CA10: variants seen among roughly 807,000 people sequenced by gnomAD.
CA10 encodes the protein carbonic anhydrase-related protein 10.
CA10 carries 14 observed loss-of-function variants against 44.2 expected under a neutral mutation model. The observed-to-expected ratio is 0.32, with a 90% confidence interval of 0.21 to 0.50. The LOEUF (loss-of-function observed/expected upper bound fraction) is 0.50. CA10 is among the 20% of genes least tolerant of loss of function. The probability of loss-of-function intolerance (pLI) is 0.99; values close to 1 mark genes in which losing one functional copy is unlikely to be tolerated. For missense variants in CA10, 350 were observed against 409.7 expected (o/e 0.85, Z 1.26); for synonymous variants, 159 against 141.6 (o/e 1.12, Z -0.87).
At chr17:51,946,849 T>C (rs191589874) in intron 2 of CA10, among the ~76,000 whole-genome samples, 1 of 152,256 alleles carries the variant, frequency 6.6e-6, no homozygotes, top group Admixed American at 6.5e-5. Context: ...TATACGTTGT[T>C]TGATGAATGA....
chr17:51,895,433 C>G (rs966850589), intron 3 of CA10, among the ~76,000 whole-genome samples: 24 of 145,826 alleles, frequency 1.6e-4, no homozygotes, highest in African/African-American at 6.3e-4. Flanking sequence ...GGCTTACCAC[C>G]CACATAACCT....
At chr17:51,898,024 G>A (rs1195429635) in intron 3 of CA10, among the ~76,000 whole-genome samples, 3 of 152,050 alleles carry the variant, frequency 2.0e-5, no homozygotes, top group Non-Finnish European at 4.4e-5. Context: ...GAGATAGTTG[G>A]ACTTATGCTC....
chr17:51,927,327 C>T (rs970043106), intron 3 of CA10, among the ~76,000 whole-genome samples: 3 of 152,154 alleles, frequency 2.0e-5, no homozygotes, highest in Admixed American at 6.5e-5. Flanking sequence ...GAAAAGATGA[C>T]GGAACTGAGT....
chr17:51,987,241 T>C (rs139715863), intron 2 of CA10, among the ~76,000 whole-genome samples: 355 of 152,164 alleles, frequency 2.3e-3, no homozygotes, highest in African/African-American at 8.0e-3. Flanking sequence ...CTGGATGAGA[T>C]TGGAGACTAT....
intron 1 of CA10, among the ~76,000 whole-genome samples, chr17:52,094,489 C>T (rs562394796): frequency 6.6e-6 from 1 of 152,024 alleles, no homozygotes; most frequent in South Asian, 2.1e-4. Context: ...CTTCTGTTCA[C>T]CTAAAGATAT....
At chr17:52,085,743 T>A (rs1349481608) in intron 1 of CA10, among the ~76,000 whole-genome samples, 1 of 152,204 alleles carries the variant, frequency 6.6e-6, no homozygotes, top group Non-Finnish European at 1.5e-5. Flanking sequence ...GCCCTGTAAA[T>A]GTATTTGGAC....
At chr17:52,015,675 A>G (rs1321064057) in intron 2 of CA10, among the ~76,000 whole-genome samples, 2 of 152,132 alleles carry the variant, frequency 1.3e-5, no homozygotes, top group Admixed American at 1.3e-4. Context: ...GACTTCCTTG[A>G]GAGTCTGAAG....
At chr17:51,694,589 C>G (rs750978525) in intron 4 of CA10, among the ~76,000 whole-genome samples, 1 of 149,674 alleles carries the variant, frequency 6.7e-6, no homozygotes, top group Non-Finnish European at 1.5e-5. Flanking sequence ...AATATTTTCT[C>G]TAATTCTGTG....
intron 1 of CA10, among the ~76,000 whole-genome samples, chr17:52,093,287 A>G (rs1267405830): frequency 1.3e-5 from 2 of 152,158 alleles, no homozygotes; most frequent in South Asian, 2.1e-4. Context: ...TTATCTCCCA[A>G]TCTTCATCTA....
At chr17:52,029,573 G>A (rs573979764) in intron 2 of CA10, among the ~76,000 whole-genome samples, 16 of 151,040 alleles carry the variant, frequency 1.1e-4, no homozygotes, top group African/African-American at 3.9e-4. Context: ...AGGCGAAGGC[G>A]TTTGCTGTTT....
At chr17:51,814,333 G>A (rs1907484909) in intron 3 of CA10, among the ~76,000 whole-genome samples, 2 of 152,296 alleles carry the variant, frequency 1.3e-5, no homozygotes, top group East Asian at 3.9e-4. Flanking sequence ...TAAGGCAAAT[G>A]TTACTACTCC....
intron 3 of CA10, among the ~76,000 whole-genome samples, chr17:51,769,113 T>G (rs1905500677): frequency 6.6e-6 from 1 of 152,204 alleles, no homozygotes; most frequent in South Asian, 2.1e-4. Flanking sequence ...GGCAACTCAA[T>G]GAGAAAACAG....
chr17:51,951,551 A>C (rs551920421), intron 2 of CA10, among the ~76,000 whole-genome samples: 1 of 152,334 alleles, frequency 6.6e-6, no homozygotes, highest in Admixed American at 6.5e-5. Flanking sequence ...GAGCTAACTC[A>C]AAAGAAAATG....
intron 2 of CA10, among the ~76,000 whole-genome samples, chr17:52,026,381 T>C (rs1243926914): frequency 6.6e-6 from 1 of 152,146 alleles, no homozygotes; most frequent in Non-Finnish European, 1.5e-5. Context: ...CTCTACTCAA[T>C]AGCATCTACT....
At chr17:51,833,705 A>C (rs1163544954) in intron 3 of CA10, among the ~76,000 whole-genome samples, 1 of 152,318 alleles carries the variant, frequency 6.6e-6, no homozygotes, top group Admixed American at 6.5e-5. Context: ...TAAAATTTTC[A>C]TTGATAGACA....
intron 3 of CA10, among the ~76,000 whole-genome samples, chr17:51,907,023 T>C (rs62063232): frequency 6.6e-6 from 1 of 152,080 alleles, no homozygotes; most frequent in Non-Finnish European, 1.5e-5. Flanking sequence ...CAATAACCTG[T>C]ACCAAGTCTT....
intron 3 of CA10, among the ~76,000 whole-genome samples, chr17:51,819,360 T>A (rs1174131458): frequency 6.6e-6 from 1 of 152,156 alleles, no homozygotes; most frequent in Admixed American, 6.5e-5. Flanking sequence ...ACAGAGCTGA[T>A]CCTCACCTTG....
chr17:51,961,807 C>A (rs890160785), intron 2 of CA10, among the ~76,000 whole-genome samples: 2 of 152,194 alleles, frequency 1.3e-5, no homozygotes, highest in Admixed American at 6.5e-5. Flanking sequence ...CCTTACTGTG[C>A]GTAGATTCTG....
intron 2 of CA10, among the ~76,000 whole-genome samples, chr17:52,040,660 G>T (rs1470360590): frequency 6.6e-6 from 1 of 152,048 alleles, no homozygotes; most frequent in African/African-American, 2.4e-5. Flanking sequence ...TGAAAAAAAT[G>T]TTTCCAGATC....
Sources: allele counts gnomAD v4.1 joint callset (sites outside exome capture counted in the v4.1 genomes callset), GRCh38; gene constraint gnomAD v4.1.1; transcripts MANE v1.5; gene names NCBI Gene and HGNC (gene_info 2026-07-23, HGNC 2026-07-21).